The following MIPEP variants were observed in gnomAD, a reference collection of about 807,000 sequenced individuals.
MIPEP encodes mitochondrial intermediate peptidase.
Under a neutral mutation model 90.3 loss-of-function variants are expected in MIPEP, and 79 were observed. The observed-to-expected ratio is 0.87, with a 90% CI of 0.73 to 1.05. The LOEUF (loss-of-function observed/expected upper bound fraction) is 1.05, where lower values mean the gene tolerates loss of function less well. MIPEP is among the 50% of genes least tolerant of loss of function. MIPEP has a pLI of 0.00. For synonymous variants in MIPEP, 334 were observed against 315.8 expected, an observed-to-expected ratio of 1.06 and a Z score of -0.61; for missense variants, 940 against 905.6, an observed-to-expected ratio of 1.04 and a Z score of -0.49.
rs140526501 is a variant in MIPEP, at chr13:23,840,922, C to G, written c.1260+413G>C. Among the ~76,000 whole-genome samples, 195 of 152,256 alleles carry G rather than the reference C, an allele frequency of 1.3e-3. 1 individual carries two copies. The Middle Eastern group carries it at 0.017, about 13-fold the overall frequency. ...TCAGAACACGGACGTAAATTAATAT[C>G]TGATGCAAATATAAGCCCCTACAAC... On this transcript the variant is annotated intron_variant, in intron 11 of 18. Transcript: ENST00000382172.
At chr13:23,809,447 C>T (rs4770497) in intron 15 of MIPEP, among the ~76,000 whole-genome samples, 1 of 151,476 alleles carries the variant, frequency 6.6e-6, no homozygotes, top group Non-Finnish European at 1.5e-5. Context: ...CAGGTTCAAG[C>T]GATTCTCCTG....
At chr13:23,815,523 G>A (rs1953223443) in intron 14 of MIPEP, among the ~76,000 whole-genome samples, 1 of 152,086 alleles carries the variant, frequency 6.6e-6, no homozygotes, top group African/African-American at 2.4e-5. Context: ...TGGCTGGGCT[G>A]GTCTCGAACT....
intron 2 of MIPEP, among the ~76,000 whole-genome samples, chr13:23,884,971 A>C (rs1441749455): frequency 6.6e-6 from 1 of 152,222 alleles, no homozygotes; most frequent in Non-Finnish European, 1.5e-5. Flanking sequence ...GCTTCCTGGA[A>C]ATGAGTATAT....
chr13:23,773,627 C>G (rs901864139), intron 16 of MIPEP, among the ~76,000 whole-genome samples: 2 of 152,204 alleles, frequency 1.3e-5, no homozygotes, highest in Non-Finnish European at 2.9e-5. Flanking sequence ...CCAACACTTG[C>G]TACTGCCCAT....
intron 14 of MIPEP, among the ~76,000 whole-genome samples, chr13:23,815,461 C>A (rs770317859): frequency 1.3e-5 from 2 of 152,090 alleles, no homozygotes; most frequent in African/African-American, 2.4e-5. Flanking sequence ...GGATTGCAAG[C>A]ATGCACCACT....
intron 14 of MIPEP, among the ~76,000 whole-genome samples, chr13:23,826,645 A>C (rs962372200): frequency 1.3e-5 from 2 of 152,236 alleles, no homozygotes; most frequent in Non-Finnish European, 2.9e-5. Flanking sequence ...ACATTTCATC[A>C]CATCATTTAA....
chr13:23,789,330 C>G lies in MIPEP; in HGVS notation c.1848+16620G>C, dbSNP rs77314842. Among the ~76,000 whole-genome samples the G allele has an allele frequency of 5.7e-3, 870 of 152,292 alleles. 10 individuals are homozygous for G. The highest frequency in any genetic ancestry group is 0.02 in the African/African-American group (816 of 41,550). On this transcript the variant is annotated intron_variant, in intron 16 of 18. Transcript: ENST00000382172. ...TTTCTATTACATTTACCAACCTTCTCTAAATGAAAAAGAGCTATCTGTCTA... is the reference window on the plus strand; with the variant it reads ...TTTCTATTACATTTACCAACCTTCTGTAAATGAAAAAGAGCTATCTGTCTA...
At chr13:23,862,173 C>A in intron 9 of MIPEP, 129 bp downstream of exon 9, 1 of 653,436 alleles carries the variant, frequency 1.5e-6, no homozygotes. Context: ...CTTTATTCAC[C>A]AAAACCGAGG....
chr13:23,882,595 TA>T (rs2137538274), intron 2 of MIPEP, among the ~76,000 whole-genome samples: 1 of 152,312 alleles, frequency 6.6e-6, no homozygotes, highest in African/African-American at 2.4e-5. Context: ...TAAAATGATG[TA>T]AAACTAAATT....
At chr13:23,804,405 G>C (rs1232293767) in intron 16 of MIPEP, among the ~76,000 whole-genome samples, 1 of 152,154 alleles carries the variant, frequency 6.6e-6, no homozygotes, top group African/African-American at 2.4e-5. Context: ...AAAAGCAGGT[G>C]AATCAGGCAA....
chr13:23,875,531 T>A lies in MIPEP; in HGVS notation c.540-622A>T, dbSNP rs561289562. ...TGGAACCAATTTCAAGTGTAACACC[T>A]TTTTTTTTTTGTCAATGGTATTTTT... is the stretch of plus-strand genomic sequence containing the variant. On this transcript the variant is annotated intron_variant, in intron 4 of 18. Coordinates refer to ENST00000382172, the MANE Select transcript of MIPEP (RefSeq NM_005932.4). Among the ~76,000 whole-genome samples, 604 of 110,984 alleles carry A rather than the reference T, an allele frequency of 5.4e-3. 3 individuals carry two copies. Among genetic ancestry groups the A allele is most frequent in the African/African-American group, 0.018 (547 of 29,840 alleles). 72.8% of individuals were successfully genotyped at this position (110,984 alleles called of 152,430 possible). A position where few individuals can be genotyped will look rare whatever the true frequency, so the allele number is the denominator to read the frequency against.
chr13:23,733,191 A>G (rs1952224104), intron 18 of MIPEP, among the ~76,000 whole-genome samples: 1 of 152,270 alleles, frequency 6.6e-6, no homozygotes, highest in African/African-American at 2.4e-5. Flanking sequence ...AAGTGCAGTC[A>G]GTGTGGAGAA....
intron 16 of MIPEP, among the ~76,000 whole-genome samples, chr13:23,761,355 G>A (rs1311470162): frequency 2.0e-5 from 3 of 152,154 alleles, no homozygotes; most frequent in East Asian, 1.9e-4. Flanking sequence ...GCCTAGAGAC[G>A]GTGGCAGGAG....
chr13:23,814,847 T>C (rs923754645), intron 14 of MIPEP, among the ~76,000 whole-genome samples: 1 of 152,180 alleles, frequency 6.6e-6, no homozygotes, highest in African/African-American at 2.4e-5. Flanking sequence ...TCTGCCTGCA[T>C]TTCAAATTCC....
intron 16 of MIPEP, among the ~76,000 whole-genome samples, chr13:23,791,810 C>G (rs995003400): frequency 6.6e-6 from 1 of 152,154 alleles, no homozygotes; most frequent in South Asian, 2.1e-4. Flanking sequence ...CTACTCACTG[C>G]CTCCAATTCT....
At chr13:23,780,812 A>C (rs1258298763) in intron 16 of MIPEP, among the ~76,000 whole-genome samples, 1 of 152,244 alleles carries the variant, frequency 6.6e-6, no homozygotes, top group Admixed American at 6.5e-5. Context: ...CGAATGCACA[A>C]GCTTCAGTAG....
At chr13:23,885,242 G>C (rs1286581861) in intron 2 of MIPEP, among the ~76,000 whole-genome samples, 1 of 152,130 alleles carries the variant, frequency 6.6e-6, no homozygotes, top group Non-Finnish European at 1.5e-5. Context: ...CCTAAAAATA[G>C]ATACAACTGA....
intron 10 of MIPEP, among the ~76,000 whole-genome samples, chr13:23,848,736 G>A (rs561968643): frequency 6.6e-6 from 1 of 152,252 alleles, no homozygotes; most frequent in Admixed American, 6.5e-5. Flanking sequence ...CAAGCAAATG[G>A]GGCAGACAAG....
At chr13:23,782,107 A>G (rs1223651733) in intron 16 of MIPEP, among the ~76,000 whole-genome samples, 1 of 152,250 alleles carries the variant, frequency 6.6e-6, no homozygotes, top group African/African-American at 2.4e-5. Context: ...AAGCAGACCT[A>G]ATAGACACCT....
Sources: gnomAD v4.1 joint callset for allele counts (sites outside exome capture counted in the v4.1 genomes callset) on GRCh38, gnomAD v4.1.1 for gene constraint, MANE v1.5 for transcripts, NCBI Gene and HGNC (gene_info 2026-07-23, HGNC 2026-07-21) for gene names.